The following CD58 variants were observed in gnomAD, a reference collection of about 807,000 sequenced individuals.
CD58 encodes CD58 molecule, also known as lymphocyte function-associated antigen 3.
Under a neutral mutation model 27.6 loss-of-function variants are expected in CD58, and 14 were observed. The ratio of observed to expected loss-of-function variants is 0.51; its 90% CI spans 0.34 to 0.79. CD58 has a LOEUF of 0.79. Ranked by LOEUF, CD58 falls within the 30% of genes least tolerant of loss-of-function variation. The pLI is 0.02. For missense variants in CD58, 268 were observed against 301.7 expected, an observed-to-expected ratio of 0.89 and a Z score of 0.83; for synonymous variants, 117 against 103.8, an observed-to-expected ratio of 1.13 and a Z score of -0.77.
At chr1:116,547,661 T>C (rs1306151191) in intron 1 of CD58, among the ~76,000 whole-genome samples, 1 of 152,136 alleles carries the variant, frequency 6.6e-6, no homozygotes. Flanking sequence ...TATTCATATA[T>C]ATATATATCT....
intron 1 of CD58, among the ~76,000 whole-genome samples, chr1:116,568,871 C>G (rs1242623325): frequency 6.6e-6 from 1 of 152,232 alleles, no homozygotes; most frequent in Non-Finnish European, 1.5e-5. Flanking sequence ...AGAGCTGATG[C>G]TGTTAATCAC....
intron 3 of CD58, among the ~76,000 whole-genome samples, chr1:116,529,408 T>C (rs986205268): frequency 6.6e-6 from 1 of 152,204 alleles, no homozygotes; most frequent in African/African-American, 2.4e-5. Flanking sequence ...CATCTCCCAA[T>C]GCCTTGGAGC....
rs994867722 is a variant in CD58 at position 116,523,148 on chromosome 1, C to T, written c.629-1165G>A. Among the ~76,000 whole-genome samples the T allele has an allele frequency of 1.1e-4, 17 of 152,098 alleles. No individual in the cohort carries two copies. The highest frequency in any genetic ancestry group is 2.9e-4 in the African/African-American group (12 of 41,418). On this transcript the variant is annotated intron_variant, in intron 3 of 5. Coordinates refer to ENST00000369489, the MANE Select transcript of CD58 (RefSeq NM_001779.3). This position sits in a 1 kb window ranked among gnomAD's most constrained non-coding sequence, Gnocchi z 4.4. Reference sequence around the variant, plus strand: ...ATCAATGATGTGCCCTTCTACTCCCCGCAAAAAGGCACAAAGATATTTACT... The same window carrying T: ...ATCAATGATGTGCCCTTCTACTCCCTGCAAAAAGGCACAAAGATATTTACT...
intron 1 of CD58, among the ~76,000 whole-genome samples, chr1:116,554,727 AAT>A (rs1279643674): frequency 6.6e-6 from 1 of 152,134 alleles, no homozygotes; most frequent in Admixed American, 6.5e-5. Flanking sequence ...CACATTGAAA[AAT>A]ATGTTACTTT....
Position 116,517,745 on chromosome 1 carries a change from G to A in CD58, c.743+1486C>T, listed in dbSNP as rs185533315. On this transcript the variant is annotated intron_variant, in intron 5 of 5. Coordinates refer to ENST00000369489, the MANE Select transcript of CD58 (RefSeq NM_001779.3). This position sits in a 1 kb window ranked among gnomAD's most constrained non-coding sequence, Gnocchi z 6.5. The stretch of plus-strand genomic sequence containing the variant: ...TTTCTTAGTGACCTCAGGTGCTCAC[G>A]GCATCAATTACTGTCCAGATGAAGA... 5.7e-4 allele frequency among the ~76,000 whole-genome samples: 87 copies of A among 152,160 alleles called. No homozygotes were observed. The highest frequency in any genetic ancestry group is 3.4e-3 in the Middle Eastern group (1 of 294).
rs1657889885 is a variant in CD58 at position 116,538,487 on chromosome 1, G to A, written c.365-2259C>T. Among the ~76,000 whole-genome samples the A allele has an allele frequency of 6.6e-6, 1 of 152,194 alleles. No homozygotes were observed. Among genetic ancestry groups the A allele is most frequent in the Non-Finnish European group, 1.5e-5 (1 of 68,038 alleles). The stretch of plus-strand genomic sequence containing the variant: ...GCATTTCTCAGGGGCAGAAAACCAA[G>A]CTTTCTACCTCCTTAGAAATGGTCC... On this transcript the variant is annotated intron_variant, in intron 2 of 5. Coordinates refer to ENST00000369489, the MANE Select transcript of CD58 (RefSeq NM_001779.3). The surrounding 1 kb of genome is among the most constrained non-coding windows in gnomAD (Gnocchi z 4.7).
chr1:116,521,769 A>G lies in CD58; in HGVS notation c.706+137T>C, dbSNP rs896130431. ...AACCTAGCATGCTCAGCAGTCCCACACACGTAAAGCAAAAAAGTTTTTGTT... is the reference window on the plus strand; with the variant it reads ...AACCTAGCATGCTCAGCAGTCCCACGCACGTAAAGCAAAAAAGTTTTTGTT... On this transcript the variant is annotated intron_variant, in intron 4 of 5. Transcript: ENST00000369489. This position sits in a 1 kb window ranked among gnomAD's most constrained non-coding sequence, Gnocchi z 5.6. 6.3e-6 allele frequency: 4 copies of G among 630,278 alleles called. No individual in the cohort carries two copies. The Admixed American group carries it at 7.8e-5, about 12-fold the overall frequency. The allele number at this position is 630,278 out of a possible 1,614,324, so 39.0% of individuals were successfully genotyped here.
rs969525594 is a variant in CD58 at position 116,552,271 on chromosome 1, A to G, written c.71-7667T>C. The stretch of plus-strand genomic sequence containing the variant: ...GTGGAGCAGTCAGAACACACATAGC[A>G]TTTATCAATTAAGTTCACCGTCTTA... On this transcript the variant is annotated intron_variant, in intron 1 of 5. Coordinates refer to ENST00000369489, the MANE Select transcript of CD58 (RefSeq NM_001779.3). The surrounding 1 kb of genome is among the most constrained non-coding windows in gnomAD (Gnocchi z 4.5). Among the ~76,000 whole-genome samples, 1 of 152,188 alleles carries G rather than the reference A, an allele frequency of 6.6e-6. No individual in the cohort carries two copies. The highest frequency in any genetic ancestry group is 1.5e-5 in the Non-Finnish European group (1 of 68,026).
rs1022901254 is a variant in CD58, at chr1:116,517,619, G to A, written c.743+1612C>T. Among the ~76,000 whole-genome samples the A allele has an allele frequency of 1.3e-5, 2 of 152,028 alleles. No homozygotes were observed. Among genetic ancestry groups the A allele is most frequent in the East Asian group, 1.9e-4 (1 of 5,194 alleles). On this transcript the variant is annotated intron_variant, in intron 5 of 5. Transcript: ENST00000369489. The surrounding 1 kb of genome is among the most constrained non-coding windows in gnomAD (Gnocchi z 6.5). The stretch of plus-strand genomic sequence containing the variant: ...GCTTTAACATGTAGCCTCCTCCCTC[G>A]AGTCTCTAACCCGGGGCTACCCTGG...
At position 116,524,029 on chromosome 1, in the gene CD58, A is replaced by G. The variant is rs1198586390; in HGVS notation, c.629-2046T>C. On this transcript the variant is annotated intron_variant, in intron 3 of 5. Transcript: ENST00000369489. The surrounding 1 kb of genome is among the most constrained non-coding windows in gnomAD (Gnocchi z 4.6). ...TGTTCCAATTGTCTTATTTTTGGCC[A>G]GAGGGAACCTCTTCAGAGTGGCTCC... Among the ~76,000 whole-genome samples, 1 of 152,194 alleles carries G rather than the reference A, an allele frequency of 6.6e-6. No homozygotes were observed. The highest frequency in any genetic ancestry group is 2.4e-5 in the African/African-American group (1 of 41,448).
rs140438183 is a variant in CD58, at chr1:116,554,358, T to C, written c.71-9754A>G. On this transcript the variant is annotated intron_variant, in intron 1 of 5. Transcript: ENST00000369489. The stretch of plus-strand genomic sequence containing the variant: ...TCTTAATATTAAAAATAAAAAGTTA[T>C]AGAAATATATATGCAGAATATTCCT... 5.7e-3 allele frequency among the ~76,000 whole-genome samples: 874 copies of C among 152,184 alleles called. 6 individuals carry two copies. The highest frequency in any genetic ancestry group is 9.0e-3 in the Non-Finnish European group (612 of 67,988).
At chr1:116,533,373 A>G in intron 3 of CD58, 1 of 926,258 alleles carries the variant, frequency 1.1e-6, no homozygotes, top group Non-Finnish European at 1.8e-6. Context: ...AGGACCTGCA[A>G]ATGAAAAGGG....
At chr1:116,518,046 T>G (rs565574828) in intron 5 of CD58, among the ~76,000 whole-genome samples, 32 of 152,350 alleles carry the variant, frequency 2.1e-4, no homozygotes, top group South Asian at 1.0e-3. Flanking sequence ...GTACTTATAT[T>G]AATATATTTT....
At chr1:116,542,404 G>C (rs971527234) in intron 2 of CD58, among the ~76,000 whole-genome samples, 1 of 152,268 alleles carries the variant, frequency 6.6e-6, no homozygotes, top group South Asian at 2.1e-4. Context: ...CATGGACTGA[G>C]AATGAACCAC....
In CD58 at chr1:116,563,714, C is replaced by A. The variant is rs932110958; in HGVS notation, c.70+7189G>T. Among the ~76,000 whole-genome samples the A allele has an allele frequency of 6.6e-6, 1 of 152,186 alleles. No individual in the cohort carries two copies. Among genetic ancestry groups the A allele is most frequent in the African/African-American group, 2.4e-5 (1 of 41,452 alleles). ...CCATGGCTGGAGCTAAAACAGCTGG[C>A]ATGCAGGGCTCCATGTTTGGAGGCT... On this transcript the variant is annotated intron_variant, in intron 1 of 5. Coordinates refer to ENST00000369489, the MANE Select transcript of CD58 (RefSeq NM_001779.3). The surrounding 1 kb of genome is among the most constrained non-coding windows in gnomAD (Gnocchi z 4.1).
rs1008710365 is a variant in CD58, at chr1:116,570,112, A to T, written c.70+791T>A. On this transcript the variant is annotated intron_variant, in intron 1 of 5. Transcript: ENST00000369489. This position sits in a 1 kb window ranked among gnomAD's most constrained non-coding sequence, Gnocchi z 6.4. ...CTCAAGTACAGTTGAACTCGCTGGG[A>T]GGTTACTGCTGTACTCCCGGGGTTT... Among the ~76,000 whole-genome samples the T allele has an allele frequency of 6.6e-6, 1 of 152,098 alleles. No individual in the cohort carries two copies. The highest frequency in any genetic ancestry group is 2.4e-5 in the African/African-American group (1 of 41,402).
In CD58 at chr1:116,563,646, C is replaced by G. The variant is rs1172200318; in HGVS notation, c.70+7257G>C. ...ACCACATGTAAGCCACCAAGGCTTA[C>G]CCTCTGAAGCAACAGCCTGAGTGGT... is the stretch of plus-strand genomic sequence containing the variant. On this transcript the variant is annotated intron_variant, in intron 1 of 5. Coordinates refer to ENST00000369489, the MANE Select transcript of CD58 (RefSeq NM_001779.3). This position sits in a 1 kb window ranked among gnomAD's most constrained non-coding sequence, Gnocchi z 4.1. Among the ~76,000 whole-genome samples, 1 of 152,216 alleles carries G rather than the reference C, an allele frequency of 6.6e-6. No individual in the cohort carries two copies. Among genetic ancestry groups the G allele is most frequent in the African/African-American group, 2.4e-5 (1 of 41,460 alleles).
At position 116,542,160 on chromosome 1, in the gene CD58, C is replaced by T. The variant is rs1262328036; in HGVS notation, c.364+2151G>A. Among the ~76,000 whole-genome samples the T allele has an allele frequency of 2.6e-5, 4 of 152,194 alleles. No homozygotes were observed. In the East Asian group the frequency reaches 7.7e-4, roughly 29 times the overall value. ...AGGCATGGTGGTGCATGCCTGTAAT[C>T]TCAACTGTTCAGGAGGCTGAGGCAG... On this transcript the variant is annotated intron_variant, in intron 2 of 5. Coordinates refer to ENST00000369489, the MANE Select transcript of CD58 (RefSeq NM_001779.3).
At chr1:116,567,951 C>T (rs1658995160) in intron 1 of CD58, among the ~76,000 whole-genome samples, 2 of 151,118 alleles carry the variant, frequency 1.3e-5, no homozygotes, top group Admixed American at 1.3e-4. Flanking sequence ...AGAGTTACAA[C>T]CAGAATCTGA....
Sources: allele counts gnomAD v4.1 joint callset (sites outside exome capture counted in the v4.1 genomes callset), GRCh38; gene constraint gnomAD v4.1.1; non-coding constraint Gnocchi (gnomAD v3.1); transcripts MANE v1.5; gene names NCBI Gene and HGNC (gene_info 2026-07-23, HGNC 2026-07-21).